The following GABRB1 variants were observed in gnomAD, a reference collection of about 807,000 sequenced individuals.
GABRB1 encodes the protein gamma-aminobutyric acid receptor subunit beta-1.
A neutral mutation model predicts 51.6 loss-of-function variants in GABRB1; 17 were observed. The ratio of observed to expected loss-of-function variants is 0.33; its 90% CI spans 0.23 to 0.49. The LOEUF (loss-of-function observed/expected upper bound fraction) is 0.49, where lower values mean the gene tolerates loss of function less well. Ranked by LOEUF, GABRB1 falls within the 20% of genes least tolerant of loss-of-function variation. The pLI is 0.99. For synonymous variants in GABRB1, 247 were observed against 218.9 expected (o/e 1.13, Z -1.14); for missense variants, 410 against 600.6 (o/e 0.68, Z 3.32).
At chr4:47,308,944 A>G (rs746537901) in intron 4 of GABRB1, among the ~76,000 whole-genome samples, 2 of 152,126 alleles carry the variant, frequency 1.3e-5, no homozygotes, top group Non-Finnish European at 2.9e-5. Flanking sequence ...AGTCCTGGCA[A>G]TTTGTCCACT....
intron 4 of GABRB1, among the ~76,000 whole-genome samples, chr4:47,210,467 C>G (rs905919931): frequency 6.6e-6 from 1 of 152,074 alleles, no homozygotes. Flanking sequence ...GTGTTTGATT[C>G]TGAAGTCTGG....
At chr4:47,237,497 AT>A (rs1401030271) in intron 4 of GABRB1, among the ~76,000 whole-genome samples, 1 of 152,082 alleles carries the variant, frequency 6.6e-6, no homozygotes, top group Non-Finnish European at 1.5e-5. Context: ...GGAATAATTC[AT>A]TCTGACTGAG....
At chr4:47,324,491 ATC>A (rs1318093831) in intron 5 of GABRB1, among the ~76,000 whole-genome samples, 1 of 151,990 alleles carries the variant, frequency 6.6e-6, no homozygotes, top group Non-Finnish European at 1.5e-5. Flanking sequence ...TTTTTTCCTA[ATC>A]TCTCTTTCTT....
chr4:47,364,931 T>C (rs1468039907), intron 5 of GABRB1, among the ~76,000 whole-genome samples: 1 of 151,694 alleles, frequency 6.6e-6, no homozygotes, highest in Non-Finnish European at 1.5e-5. Context: ...CAAACTAAAA[T>C]AGAAATAAGG....
intron 3 of GABRB1, among the ~76,000 whole-genome samples, chr4:47,110,421 T>C (rs1412369694): frequency 6.6e-6 from 1 of 152,172 alleles, no homozygotes. Context: ...AATTATAACT[T>C]AGTGGAAAAG....
At chr4:47,104,332 A>G (rs1432040605) in intron 3 of GABRB1, among the ~76,000 whole-genome samples, 1 of 151,598 alleles carries the variant, frequency 6.6e-6, no homozygotes, top group Non-Finnish European at 1.5e-5. Context: ...ATTTATATTT[A>G]GTTTTTAGCT....
chr4:47,019,693 T>TTC (rs1277718911), intron 1 of GABRB1, among the ~76,000 whole-genome samples: 6 of 147,202 alleles, frequency 4.1e-5, no homozygotes, highest in South Asian at 2.2e-4. Context: ...CTTTCCTTCT[T>TTC]CTTTCCTTCT....
At chr4:47,019,617 CTT>C (rs1224642767) in intron 1 of GABRB1, among the ~76,000 whole-genome samples, 94 of 82,946 alleles carry the variant, frequency 1.1e-3, no homozygotes, top group African/African-American at 4.4e-3. Flanking sequence ...TTCTTTCTTT[CTT>C]TCTCTCTCTT....
intron 8 of GABRB1, among the ~76,000 whole-genome samples, chr4:47,416,624 G>T (rs1210244308): frequency 6.6e-6 from 1 of 151,856 alleles, no homozygotes; most frequent in East Asian, 1.9e-4. Context: ...GCTAATTTTT[G>T]TATTTTTAGT....
chr4:47,151,464 T>C (rs1480426440), intron 3 of GABRB1, among the ~76,000 whole-genome samples: 3 of 152,056 alleles, frequency 2.0e-5, no homozygotes, highest in African/African-American at 7.2e-5. Context: ...TTAATTCAGA[T>C]TCATATATCC....
chr4:47,287,291 A>G (rs951450319), intron 4 of GABRB1, among the ~76,000 whole-genome samples: 3 of 152,210 alleles, frequency 2.0e-5, no homozygotes, highest in African/African-American at 7.2e-5. Flanking sequence ...TGATTCAAGT[A>G]TTTTAATTTT....
rs146049616 is a variant in GABRB1, at chr4:47,007,397, A to T, written c.-20+13471A>T. On this transcript the variant is annotated intron_variant, in intron 1 of 3. Coordinates refer to the GABRB1 transcript ENST00000513567. Reference sequence around the variant, plus strand: ...TAAAGAACACATTGACAAAACTAAGATCTCTAATTATAGTGGGATGTTTTA... The same window carrying T: ...TAAAGAACACATTGACAAAACTAAGTTCTCTAATTATAGTGGGATGTTTTA... Among the ~76,000 whole-genome samples, 150 of 152,274 alleles carry T rather than the reference A, an allele frequency of 9.9e-4. No individual in the cohort carries two copies. In the East Asian group the frequency reaches 0.017, roughly 17 times the overall value.
intron 1 of GABRB1, among the ~76,000 whole-genome samples, chr4:47,012,990 A>G (rs1202515718): frequency 6.6e-6 from 1 of 152,194 alleles, no homozygotes; most frequent in Non-Finnish European, 1.5e-5. Context: ...AACCACTGCA[A>G]AGTTTTCCAT....
At chr4:47,262,499 A>G (rs1722479144) in intron 4 of GABRB1, among the ~76,000 whole-genome samples, 2 of 152,210 alleles carry the variant, frequency 1.3e-5, no homozygotes, top group African/African-American at 4.8e-5. Flanking sequence ...ATGAGACACC[A>G]TCTCACACCA....
chr4:47,186,300 T>C (rs902025729), intron 4 of GABRB1, among the ~76,000 whole-genome samples: 1 of 151,716 alleles, frequency 6.6e-6, no homozygotes, highest in African/African-American at 2.4e-5. Context: ...TGTCAGAAAA[T>C]CAGTAAGTAT....
At chr4:47,192,784 G>A (rs1409965670) in intron 4 of GABRB1, among the ~76,000 whole-genome samples, 1 of 152,164 alleles carries the variant, frequency 6.6e-6, no homozygotes, top group Admixed American at 6.5e-5. Context: ...TCAAGTGACT[G>A]TGTGAATATT....
At chr4:47,301,431 G>A (rs371155082) in intron 4 of GABRB1, among the ~76,000 whole-genome samples, 1 of 152,070 alleles carries the variant, frequency 6.6e-6, no homozygotes, top group Admixed American at 6.6e-5. Context: ...GAACCCAGGA[G>A]TTCAAGACCA....
rs567932261 is a variant in GABRB1 at position 47,004,510 on chromosome 4, T to A, written c.-20+10584T>A. Among the ~76,000 whole-genome samples, 5 of 152,264 alleles carry A rather than the reference T, an allele frequency of 3.3e-5. No homozygotes were observed. The South Asian group carries it at 1.0e-3, about 32-fold the overall frequency. ...GAGATATTTTAATACAGGCATGCAA[T>A]GCATAATATTAATACTTTAAAAAAA... On this transcript the variant is annotated intron_variant, in intron 1 of 3. Coordinates refer to the GABRB1 transcript ENST00000513567.
At chr4:47,122,457 C>T (rs1464057173) in intron 3 of GABRB1, among the ~76,000 whole-genome samples, 1 of 151,942 alleles carries the variant, frequency 6.6e-6, no homozygotes, top group Non-Finnish European at 1.5e-5. Flanking sequence ...GTTAACTAGC[C>T]GTAAAGTTGT....
Sources: gnomAD v4.1 joint callset for allele counts (sites outside exome capture counted in the v4.1 genomes callset) on GRCh38, gnomAD v4.1.1 for gene constraint, MANE v1.5 for transcripts, NCBI Gene and HGNC (gene_info 2026-07-23, HGNC 2026-07-21) for gene names.